Variants in DIP2B observed in about 807,000 individuals in gnomAD.
The protein encoded by DIP2B is DIP2 acetate--CoA ligase B (putative).
A neutral mutation model predicts 198.0 loss-of-function variants in DIP2B; 76 were observed. The ratio of observed to expected loss-of-function variants is 0.38; its 90% confidence interval spans 0.32 to 0.46. The LOEUF is 0.46. Ranked by LOEUF, DIP2B falls within the 20% of genes least tolerant of loss-of-function variation. The probability of loss-of-function intolerance (pLI) is 0.99; values close to 1 mark genes in which losing one functional copy is unlikely to be tolerated. For synonymous variants in DIP2B, 701 were observed against 739.1 expected, an observed-to-expected ratio of 0.95 and a Z score of 0.84; for missense variants, 1,559 against 1,978.4, an observed-to-expected ratio of 0.79 and a Z score of 4.02.
chr12:50,606,020 G>A lies in DIP2B; in HGVS notation c.101-19956G>A, dbSNP rs140998693. Among the ~76,000 whole-genome samples the A allele has an allele frequency of 5.4e-3, 816 of 151,568 alleles. 1 individual carries two copies. The highest frequency in any genetic ancestry group is 0.019 in the African/African-American group (773 of 41,288). The stretch of plus-strand genomic sequence containing the variant: ...GTATTTTTAGTAGAGACATTGTTTC[G>A]CCATTTTGGCCAGGCTGGCTTTGAA... On this transcript the variant is annotated intron_variant, in intron 1 of 37. Coordinates refer to ENST00000301180, the MANE Select transcript of DIP2B (RefSeq NM_173602.3).
intron 21 of DIP2B, among the ~76,000 whole-genome samples, chr12:50,707,183 A>G (rs1017688441): frequency 6.6e-6 from 1 of 152,232 alleles, no homozygotes; most frequent in African/African-American, 2.4e-5. Flanking sequence ...AAGAAAAGAT[A>G]TTTGCTACAT....
At chr12:50,704,834 T>C (rs1429341753) in intron 20 of DIP2B, among the ~76,000 whole-genome samples, 1 of 152,110 alleles carries the variant, frequency 6.6e-6, no homozygotes, top group African/African-American at 2.4e-5. Flanking sequence ...TGTGGTAGCA[T>C]GTACCTGTAA....
chr12:50,724,382 A>G (rs1939893412), intron 27 of DIP2B, among the ~76,000 whole-genome samples: 1 of 152,194 alleles, frequency 6.6e-6, no homozygotes, highest in Non-Finnish European at 1.5e-5. Flanking sequence ...ATCATTCACT[A>G]GAGACTGGGG....
intron 1 of DIP2B, among the ~76,000 whole-genome samples, chr12:50,624,272 C>T (rs1937888271): frequency 6.6e-6 from 1 of 152,184 alleles, no homozygotes; most frequent in Admixed American, 6.5e-5. Context: ...CTAAGCTTAA[C>T]TCTTTTCTTC....
intron 1 of DIP2B, among the ~76,000 whole-genome samples, chr12:50,518,461 G>A (rs1593573055): frequency 6.6e-6 from 1 of 152,012 alleles, no homozygotes; most frequent in East Asian, 1.9e-4. Flanking sequence ...CGCCCACCCC[G>A]GCCTCCCAAA....
intron 10 of DIP2B, among the ~76,000 whole-genome samples, chr12:50,685,318 GT>G (rs1396017723): frequency 6.6e-6 from 1 of 152,126 alleles, no homozygotes; most frequent in Non-Finnish European, 1.5e-5. Flanking sequence ...TTTTGCTGCT[GT>G]TTTTGTGTAA....
At chr12:50,624,564 C>T (rs1349955524) in intron 1 of DIP2B, among the ~76,000 whole-genome samples, 1 of 152,166 alleles carries the variant, frequency 6.6e-6, no homozygotes, top group Non-Finnish European at 1.5e-5. Context: ...GAACTCCCAA[C>T]CTTGTGATCC....
At chr12:50,744,493 G>A in intron 37 of DIP2B, 94 bp from the exon 38 acceptor site, 1 of 1,541,514 alleles carries the variant, frequency 6.5e-7, no homozygotes, top group Non-Finnish European at 8.8e-7. Flanking sequence ...ATTGAGGGGA[G>A]AAGGCGGGGA....
At chr12:50,526,827 G>T (rs1217863414) in intron 1 of DIP2B, among the ~76,000 whole-genome samples, 1 of 151,826 alleles carries the variant, frequency 6.6e-6, no homozygotes, top group Non-Finnish European at 1.5e-5. Context: ...GTAGAGACAG[G>T]GTTTCACCAT....
intron 1 of DIP2B, among the ~76,000 whole-genome samples, chr12:50,524,471 T>C (rs565340093): frequency 2.6e-4 from 40 of 152,288 alleles, no homozygotes; most frequent in African/African-American, 8.4e-4. Flanking sequence ...TTCAGCCACA[T>C]TGGCTGACTC....
At chr12:50,646,434 A>G (rs1298051899) in intron 3 of DIP2B, among the ~76,000 whole-genome samples, 2 of 105,656 alleles carry the variant, frequency 1.9e-5, no homozygotes, top group African/African-American at 3.7e-5. Flanking sequence ...TATTATTATT[A>G]TTTTTGAGAC....
At chr12:50,737,212 T>C (rs1486679405) in intron 35 of DIP2B, 102 bp downstream of exon 35, 1 of 1,090,482 alleles carries the variant, frequency 9.2e-7, no homozygotes, top group Non-Finnish European at 1.3e-6. Flanking sequence ...CTTTCCCCCG[T>C]TGTGAATGGA....
intron 1 of DIP2B, among the ~76,000 whole-genome samples, chr12:50,528,138 G>A (rs1958184205): frequency 6.6e-6 from 1 of 151,796 alleles, no homozygotes; most frequent in Non-Finnish European, 1.5e-5. Context: ...TGTTGTCCAG[G>A]CTGGTCTTGA....
intron 1 of DIP2B, among the ~76,000 whole-genome samples, chr12:50,522,791 A>G (rs1178522762): frequency 6.6e-6 from 1 of 152,222 alleles, no homozygotes; most frequent in Non-Finnish European, 1.5e-5. Context: ...GAGAAAACCT[A>G]GTCGTCTGAA....
intron 19 of DIP2B, among the ~76,000 whole-genome samples, chr12:50,700,788 C>T (rs1166002558): frequency 2.0e-5 from 3 of 152,242 alleles, no homozygotes; most frequent in African/African-American, 7.2e-5. Context: ...CATGTGTTTA[C>T]TGCCAGTCTC....
intron 1 of DIP2B, among the ~76,000 whole-genome samples, chr12:50,538,019 A>T (rs769502474): frequency 1.3e-5 from 2 of 152,192 alleles, no homozygotes; most frequent in Non-Finnish European, 2.9e-5. Context: ...ATGGATTCAA[A>T]AGAGTACTTA....
intron 1 of DIP2B, among the ~76,000 whole-genome samples, chr12:50,585,486 G>A (rs1376222226): frequency 6.6e-6 from 1 of 152,214 alleles, no homozygotes; most frequent in African/African-American, 2.4e-5. Flanking sequence ...AATGAAGAGA[G>A]AGCATCATGT....
chr12:50,509,782 G>A (rs1048696785), intron 1 of DIP2B, among the ~76,000 whole-genome samples: 2 of 152,188 alleles, frequency 1.3e-5, no homozygotes, highest in Non-Finnish European at 2.9e-5. Context: ...TACCTATCAT[G>A]GGAAACGGGG....
rs561172362 is a variant in DIP2B, at chr12:50,685,879, T to C, written c.1364T>C (p.Ile455Thr). Residue 455 changes from isoleucine to threonine, a missense_variant, in exon 11 of 38, where the codon ATT (isoleucine) becomes ACT (threonine). By Grantham distance (89) the Ile-to-Thr change is moderately conservative. Transcript: ENST00000301180. ...QIGFLLGSCG[I>T]ALALTSEVCL... is the part of the protein sequence containing the mutation. ...GGCTTCTTGCTAGGAAGCTGTGGTA[T>C]TGCCTTAGCTCTTACCAGTGAAGTT... is the stretch of plus-strand genomic sequence containing the variant. 44 of 1,613,928 alleles carry C rather than the reference T, an allele frequency of 2.7e-5. No individual in the cohort carries two copies. The East Asian group carries it at 7.4e-4, about 27-fold the overall frequency.
Sources: gnomAD v4.1 joint callset for allele counts (sites outside exome capture counted in the v4.1 genomes callset) on GRCh38, gnomAD v4.1.1 for gene constraint, MANE v1.5 for transcripts, NCBI Gene and HGNC (gene_info 2026-07-23, HGNC 2026-07-21) for gene names.